Variants in SLC39A9 observed in about 807,000 individuals in gnomAD.
SLC39A9 encodes the protein solute carrier family 39 member 9.
A neutral mutation model predicts 28.4 loss-of-function variants in SLC39A9; 14 were observed. The observed-to-expected ratio is 0.49, with a 90% confidence interval of 0.33 to 0.77. SLC39A9 has a LOEUF of 0.77. Ranked by LOEUF, SLC39A9 falls within the 30% of genes least tolerant of loss-of-function variation. The probability of loss-of-function intolerance (pLI) is 0.02; values close to 1 mark genes in which losing one functional copy is unlikely to be tolerated. For missense variants in SLC39A9, 283 were observed against 381.1 expected, an observed-to-expected ratio of 0.74 and a Z score of 2.14; for synonymous variants, 119 against 149.6, an observed-to-expected ratio of 0.80 and a Z score of 1.49.
intron 1 of SLC39A9, among the ~76,000 whole-genome samples, chr14:69,412,107 C>T (rs1039216315): frequency 1.3e-5 from 2 of 150,922 alleles, no homozygotes; most frequent in African/African-American, 2.4e-5. Context: ...ATGTATTTGC[C>T]GGCTGGGCAC....
At chr14:69,422,127 G>A (rs750199766) in intron 1 of SLC39A9, among the ~76,000 whole-genome samples, 10 of 152,052 alleles carry the variant, frequency 6.6e-5, no homozygotes, top group Non-Finnish European at 8.8e-5. Flanking sequence ...GTTCCTATTC[G>A]GCCATCTTGG....
rs34195562 is a variant in SLC39A9 at position 69,448,214 on chromosome 14, C to CAAA, written c.404-5010_404-5008dup. Among the ~76,000 whole-genome samples, 248 of 86,900 alleles carry CAAA rather than the reference C, an allele frequency of 2.9e-3. 12 individuals carry two copies. The highest frequency in any genetic ancestry group is 8.2e-3 in the South Asian group (17 of 2,080). The allele number at this position is 86,900 out of a possible 152,430, so 57.0% of individuals were successfully genotyped here. ...TGGGCAACAAAGTGAGACTCTGTCTCAAAAAAAAAAAAAAAAAAAGCACAA... is the reference window on the plus strand; with the variant it reads ...TGGGCAACAAAGTGAGACTCTGTCTCAAAAAAAAAAAAAAAAAAAAAAGCACAA... On this transcript the variant is annotated intron_variant, in intron 3 of 6. Transcript: ENST00000336643.
rs1262102961 is a variant in SLC39A9, at chr14:69,460,157, G to A, written c.*1564G>A. 1.0e-6 allele frequency: 1 copy of A among 985,444 alleles called. No homozygotes were observed. Among genetic ancestry groups the A allele is most frequent in the Non-Finnish European group, 1.2e-6 (1 of 829,798 alleles). The allele number at this position is 985,444 out of a possible 1,614,324, so 61.0% of individuals were successfully genotyped here. On this transcript the variant is annotated 3_prime_UTR_variant, in exon 7 of 7. Coordinates refer to ENST00000336643, the MANE Select transcript of SLC39A9 (RefSeq NM_018375.5). ...CCATTTCAAAACACATTACACTAAG[G>A]GGGAACCAAGACTAGTTTCTTCAGG... is the stretch of plus-strand genomic sequence containing the variant.
At position 69,446,234 on chromosome 14, in the gene SLC39A9, C is replaced by T. The variant is rs527736861; in HGVS notation, c.403+3968C>T. Among the ~76,000 whole-genome samples the T allele has an allele frequency of 4.6e-5, 7 of 151,136 alleles. No individual in the cohort carries two copies. The East Asian group carries it at 7.8e-4, about 17-fold the overall frequency. ...TTATTGGAATTGGAAGTATTGGACT[C>T]GGGATTTCTAAATGTATTTGGTTTT... On this transcript the variant is annotated intron_variant, in intron 3 of 6. Coordinates refer to ENST00000336643, the MANE Select transcript of SLC39A9 (RefSeq NM_018375.5).
intron 1 of SLC39A9, among the ~76,000 whole-genome samples, chr14:69,419,868 C>A (rs1029123197): frequency 6.6e-6 from 1 of 152,238 alleles, no homozygotes; most frequent in South Asian, 2.1e-4. Context: ...TCCTCCATCC[C>A]TTTATTTTGA....
intron 4 of SLC39A9, among the ~76,000 whole-genome samples, 185 bp downstream of exon 4, chr14:69,453,494 A>C (rs1466394976): frequency 1.3e-5 from 2 of 152,148 alleles, no homozygotes; most frequent in African/African-American, 4.8e-5. Flanking sequence ...TTGCAAGCTA[A>C]GAATGGTTTC....
intron 3 of SLC39A9, among the ~76,000 whole-genome samples, chr14:69,448,955 A>G (rs974857292): frequency 1.3e-5 from 2 of 152,200 alleles, no homozygotes; most frequent in Non-Finnish European, 2.9e-5. Flanking sequence ...ATGTTAATCA[A>G]TATATTGGTC....
chr14:69,408,351 T>C (rs1883057837), intron 1 of SLC39A9, among the ~76,000 whole-genome samples: 2 of 152,214 alleles, frequency 1.3e-5, no homozygotes, highest in Non-Finnish European at 2.9e-5. Context: ...CTTTCTCTCT[T>C]CAAATTACTT....
intron 2 of SLC39A9, chr14:69,429,572 G>A (rs1295041887): frequency 6.6e-6 from 1 of 152,140 alleles, no homozygotes; most frequent in Admixed American, 6.6e-5. Flanking sequence ...CAAAAAATTA[G>A]CCACGCATGG....
At chr14:69,408,949 T>C (rs950887441) in intron 1 of SLC39A9, among the ~76,000 whole-genome samples, 1 of 152,220 alleles carries the variant, frequency 6.6e-6, no homozygotes, top group Non-Finnish European at 1.5e-5. Context: ...ATGACACATG[T>C]CAACTGATAT....
intron 3 of SLC39A9, among the ~76,000 whole-genome samples, chr14:69,450,025 A>T (rs1383716660): frequency 6.6e-6 from 1 of 152,014 alleles, no homozygotes; most frequent in Non-Finnish European, 1.5e-5. Flanking sequence ...GTCTCTACTA[A>T]AAATACAAAA....
intron 1 of SLC39A9, among the ~76,000 whole-genome samples, chr14:69,421,585 T>C (rs1175768683): frequency 1.3e-5 from 2 of 152,214 alleles, no homozygotes; most frequent in Non-Finnish European, 2.9e-5. Flanking sequence ...CTGCCTTTTA[T>C]TCAGCTATGC....
chr14:69,434,949 A>G (rs921872326), intron 2 of SLC39A9, among the ~76,000 whole-genome samples: 1 of 152,216 alleles, frequency 6.6e-6, no homozygotes, highest in African/African-American at 2.4e-5. Flanking sequence ...ATGGTAAGAA[A>G]ATATACTTAG....
At position 69,406,303 on chromosome 14, in the gene SLC39A9, T is replaced by G. The variant is rs572775225; in HGVS notation, c.96+6838T>G. Among the ~76,000 whole-genome samples the G allele has an allele frequency of 2.6e-5, 4 of 152,352 alleles. No homozygotes were observed. The South Asian group carries it at 8.3e-4, about 32-fold the overall frequency. ...AATTAACACCTGCCAATTTGGAATC[T>G]GAAGTAGTTCCTATTGTGAACTATC... On this transcript the variant is annotated intron_variant, in intron 1 of 6. Coordinates refer to ENST00000336643, the MANE Select transcript of SLC39A9 (RefSeq NM_018375.5).
At chr14:69,407,752 C>T (rs1318481956) in intron 1 of SLC39A9, among the ~76,000 whole-genome samples, 1 of 152,060 alleles carries the variant, frequency 6.6e-6, no homozygotes, top group East Asian at 1.9e-4. Context: ...GATTTTCCTG[C>T]CTCAGCCTCC....
At chr14:69,399,584 C>CT (rs1193677625) in intron 1 of SLC39A9, 119 bp downstream of exon 1, 1 of 709,682 alleles carries the variant, frequency 1.4e-6, no homozygotes, top group African/African-American at 1.8e-5. Flanking sequence ...TTAAGAAAGA[C>CT]TATCTTTTTT....
At chr14:69,437,989 C>G (rs988842196) in intron 2 of SLC39A9, among the ~76,000 whole-genome samples, 3 of 150,666 alleles carry the variant, frequency 2.0e-5, no homozygotes, top group African/African-American at 7.3e-5. Flanking sequence ...GTTTTTGCTG[C>G]TTTACTCTCT....
At chr14:69,428,878 A>G (rs1336810734) in intron 2 of SLC39A9, 2 of 152,170 alleles carry the variant, frequency 1.3e-5, no homozygotes, top group Non-Finnish European at 2.9e-5. Context: ...GTATTATGAG[A>G]TGCGTATTAT....
At chr14:69,433,616 A>T (rs529259331) in intron 2 of SLC39A9, among the ~76,000 whole-genome samples, 5 of 152,296 alleles carry the variant, frequency 3.3e-5, no homozygotes, top group South Asian at 2.1e-4. Flanking sequence ...TTTTAAATAG[A>T]TAGATATAGG....
Sources: allele counts gnomAD v4.1 joint callset (sites outside exome capture counted in the v4.1 genomes callset), GRCh38; gene constraint gnomAD v4.1.1; transcripts MANE v1.5; gene names NCBI Gene and HGNC (gene_info 2026-07-23, HGNC 2026-07-21).